Variants in ATP8A2 observed in about 807,000 individuals in gnomAD.
The protein encoded by ATP8A2 is phospholipid-transporting ATPase IB.
ATP8A2 carries 100 observed loss-of-function variants against 165.6 expected under a neutral mutation model. The ratio of observed to expected loss-of-function variants is 0.60; its 90% confidence interval spans 0.51 to 0.71. The LOEUF is 0.71. Among genes scored for constraint, ATP8A2 ranks in the 30% least tolerant of loss-of-function variants. The probability of loss-of-function intolerance (pLI) is 0.00; values close to 1 mark genes in which losing one functional copy is unlikely to be tolerated. For synonymous variants in ATP8A2, 543 were observed against 548.8 expected (o/e 0.99, Z 0.15); for missense variants, 1,227 against 1,479.5 (o/e 0.83, Z 2.80).
intron 28 of ATP8A2, among the ~76,000 whole-genome samples, chr13:25,832,943 T>C (rs1951515358): frequency 6.6e-6 from 1 of 151,914 alleles, no homozygotes; most frequent in Middle Eastern, 3.2e-3. Context: ...TATATGATTG[T>C]GTATCTAGAA....
At chr13:25,396,358 T>A (rs1049381356) in intron 1 of ATP8A2, among the ~76,000 whole-genome samples, 2 of 152,182 alleles carry the variant, frequency 1.3e-5, no homozygotes, top group African/African-American at 4.8e-5. Context: ...GTGCTTTTTT[T>A]AGGTTTTATG....
intron 33 of ATP8A2, among the ~76,000 whole-genome samples, chr13:25,906,504 G>A (rs570039983): frequency 6.6e-6 from 1 of 151,956 alleles, no homozygotes; most frequent in African/African-American, 2.4e-5. Flanking sequence ...AGCAGCGGTG[G>A]GGTCTCCTGT....
chr13:25,645,028 A>G (rs1593126199), intron 24 of ATP8A2, among the ~76,000 whole-genome samples: 3 of 152,200 alleles, frequency 2.0e-5, no homozygotes, highest in Admixed American at 1.3e-4. Flanking sequence ...GATCTTTTGT[A>G]CTATTTTTCT....
intron 33 of ATP8A2, among the ~76,000 whole-genome samples, chr13:25,867,139 CTT>C (rs11331686): frequency 0.073 from 9,642 of 131,828 alleles, 814 homozygotes; most frequent in African/African-American, 0.2. Flanking sequence ...CTGGGACAGG[CTT>C]TTTTTTTTTT....
chr13:25,971,695 CAA>C (rs1304862881), intron 35 of ATP8A2, among the ~76,000 whole-genome samples: 1 of 152,002 alleles, frequency 6.6e-6, no homozygotes, highest in African/African-American at 2.4e-5. Flanking sequence ...CGGATGTGCA[CAA>C]AGTGGCCACA....
chr13:25,845,430 C>T (rs994224396), intron 30 of ATP8A2, among the ~76,000 whole-genome samples: 1 of 152,106 alleles, frequency 6.6e-6, no homozygotes, highest in Admixed American at 6.6e-5. Flanking sequence ...CTATGCTTAA[C>T]AAAAGAAAAG....
chr13:25,993,003 A>G (rs1388950493), intron 35 of ATP8A2, among the ~76,000 whole-genome samples: 5 of 149,736 alleles, frequency 3.3e-5, no homozygotes, highest in African/African-American at 9.9e-5. Flanking sequence ...CCATGTCCCT[A>G]CAAAGGACAT....
In ATP8A2 at chr13:26,024,107, T is replaced by C. The variant is rs1219712068; in HGVS notation, c.*4122T>C. Reference sequence around the variant, plus strand: ...AGTTGGGTTTGGTTTTGGTTCTTCATTGGCTCAAGGCAGTTAACTGTCTCA... The same window carrying C: ...AGTTGGGTTTGGTTTTGGTTCTTCACTGGCTCAAGGCAGTTAACTGTCTCA... On this transcript the variant is annotated 3_prime_UTR_variant, in exon 37 of 37. Coordinates refer to ENST00000381655, the MANE Select transcript of ATP8A2 (RefSeq NM_016529.6). 2 of 152,186 alleles carry C rather than the reference T, an allele frequency of 1.3e-5. No homozygotes were observed. The highest frequency in any genetic ancestry group is 2.9e-5 in the Non-Finnish European group (2 of 68,030). 9.4% of individuals were successfully genotyped at this position (152,186 alleles called of 1,614,324 possible). A position where few individuals can be genotyped will look rare whatever the true frequency, so the allele number is the denominator to read the frequency against.
At chr13:25,524,631 T>C (rs2037776625) in intron 2 of ATP8A2, among the ~76,000 whole-genome samples, 1 of 152,268 alleles carries the variant, frequency 6.6e-6, no homozygotes, top group Non-Finnish European at 1.5e-5. Flanking sequence ...TTGTGTATTA[T>C]AAGAATAGGT....
chr13:26,014,771 T>G (rs1260368196), intron 36 of ATP8A2, among the ~76,000 whole-genome samples: 1 of 152,226 alleles, frequency 6.6e-6, no homozygotes, highest in Non-Finnish European at 1.5e-5. Context: ...GTATTATTAT[T>G]CTGCCATTAG....
intron 25 of ATP8A2, among the ~76,000 whole-genome samples, chr13:25,741,942 G>A (rs1593279520): frequency 6.6e-6 from 1 of 152,176 alleles, no homozygotes; most frequent in African/African-American, 2.4e-5. Context: ...TTCAGGAGGT[G>A]CAAATGTTCA....
At chr13:25,988,989 C>T (rs768172572) in intron 35 of ATP8A2, among the ~76,000 whole-genome samples, 52 of 152,212 alleles carry the variant, frequency 3.4e-4, no homozygotes, top group Admixed American at 5.9e-4. Flanking sequence ...GAGTCTTGCA[C>T]GGGCCGTCAG....
At chr13:25,601,890 A>C (rs2040397641) in intron 24 of ATP8A2, among the ~76,000 whole-genome samples, 1 of 152,362 alleles carries the variant, frequency 6.6e-6, no homozygotes, top group Admixed American at 6.5e-5. Context: ...GTGCTTTTTC[A>C]TGAGTGCCTA....
At chr13:25,554,117 C>T (rs2038905650) in intron 12 of ATP8A2, among the ~76,000 whole-genome samples, 197 bp downstream of exon 12, 1 of 152,124 alleles carries the variant, frequency 6.6e-6, no homozygotes, top group Admixed American at 6.6e-5. Context: ...GGTACCTATT[C>T]AAGGCGTTGT....
intron 1 of ATP8A2, 135 bp from the exon 2 acceptor site, chr13:25,468,842 T>C (rs1038628739): frequency 2.0e-5 from 28 of 1,403,226 alleles, no homozygotes; most frequent in Non-Finnish European, 2.4e-5. Flanking sequence ...GGAGCCAAGG[T>C]ACGTAGGCGG....
At chr13:25,674,226 A>G (rs1173906958) in intron 24 of ATP8A2, among the ~76,000 whole-genome samples, 3 of 152,066 alleles carry the variant, frequency 2.0e-5, no homozygotes, top group South Asian at 2.1e-4. Context: ...CATCCTGGCC[A>G]TGTTGTCTTC....
intron 35 of ATP8A2, among the ~76,000 whole-genome samples, chr13:25,975,451 G>A (rs938824291): frequency 1.4e-4 from 21 of 151,876 alleles, no homozygotes; most frequent in South Asian, 6.3e-4. Flanking sequence ...GTGTGGTGGC[G>A]GGCACCTGTA....
At chr13:25,982,790 T>G (rs995052652) in intron 35 of ATP8A2, among the ~76,000 whole-genome samples, 3 of 152,232 alleles carry the variant, frequency 2.0e-5, no homozygotes, top group Non-Finnish European at 4.4e-5. Context: ...GTCTACAAAG[T>G]GCACCATTTG....
intron 33 of ATP8A2, among the ~76,000 whole-genome samples, chr13:25,949,924 C>G (rs1955308423): frequency 6.6e-6 from 1 of 152,132 alleles, no homozygotes; most frequent in South Asian, 2.1e-4. Flanking sequence ...CTCAGCCCCC[C>G]AGATAGCTGA....
Sources: allele counts gnomAD v4.1 joint callset (sites outside exome capture counted in the v4.1 genomes callset), GRCh38; gene constraint gnomAD v4.1.1; transcripts MANE v1.5; gene names NCBI Gene and HGNC (gene_info 2026-07-23, HGNC 2026-07-21).